LOXL2: variants seen among roughly 807,000 people sequenced by gnomAD.
LOXL2 encodes lysyl oxidase like 2.
In LOXL2, 70 loss-of-function variants were observed where a neutral mutation model predicts 93.0. The ratio of observed to expected loss-of-function variants is 0.75; its 90% confidence interval spans 0.62 to 0.92. The LOEUF is 0.92. LOXL2 is among the 40% of genes least tolerant of loss of function. LOXL2 has a pLI of 0.00. For missense variants in LOXL2, 973 were observed against 1,054.9 expected (o/e 0.92, Z 1.08); for synonymous variants, 438 against 413.2 (o/e 1.06, Z -0.73).
intron 3 of LOXL2, among the ~76,000 whole-genome samples, chr8:23,353,408 A>G (rs1305524710): frequency 2.0e-5 from 3 of 152,186 alleles, no homozygotes; most frequent in Admixed American, 2.0e-4. Context: ...GGATTGACCT[A>G]AAACTGATTT....
chr8:23,366,846 A>G (rs1169265680), intron 2 of LOXL2, among the ~76,000 whole-genome samples: 2 of 152,142 alleles, frequency 1.3e-5, no homozygotes, highest in African/African-American at 2.4e-5. Flanking sequence ...CTCCACCCTT[A>G]TCTCTTTCCT....
At position 23,317,191 on chromosome 8, in the gene LOXL2, C is replaced by T. The variant is rs1271888241; in HGVS notation, c.1471-77G>A. On this transcript the variant is annotated intron_variant, in intron 8 of 13. Transcript: ENST00000389131. ...TTCTCATATCCTATCAACTTGCAGC[C>T]TCACAAAAATCCCAATGTTTCATGA... 2.0e-6 allele frequency: 3 copies of T among 1,483,512 alleles called. No individual in the cohort carries two copies. The African/African-American group carries it at 4.2e-5, about 21-fold the overall frequency. The allele number at this position is 1,483,512 out of a possible 1,614,324, so 91.9% of individuals were successfully genotyped here. A position where few individuals can be genotyped will look rare whatever the true frequency, so the allele number is the denominator to read the frequency against.
At chr8:23,383,646 GTTT>G (rs1204879895) in intron 1 of LOXL2, among the ~76,000 whole-genome samples, 130 of 117,636 alleles carry the variant, frequency 1.1e-3, no homozygotes, top group African/African-American at 3.5e-3. Flanking sequence ...GCACTTTTAC[GTTT>G]TTTTTTTGTT....
intron 2 of LOXL2, among the ~76,000 whole-genome samples, chr8:23,361,864 C>CA (rs140501210): frequency 0.26 from 28,467 of 109,276 alleles, 2,850 homozygotes; most frequent in Admixed American, 0.32. Context: ...CAAAACAAAA[C>CA]AAACAAAAAA....
intron 7 of LOXL2, among the ~76,000 whole-genome samples, chr8:23,320,735 C>G (rs187334328): frequency 1.3e-5 from 2 of 152,156 alleles, no homozygotes; most frequent in East Asian, 3.9e-4. Context: ...TAGTGAGACC[C>G]CATCTCTACA....
At position 23,297,691 on chromosome 8, in the gene LOXL2, G is replaced by A. The variant is rs1004411619; in HGVS notation, c.*352C>T. The A allele has an allele frequency of 1.4e-5, 3 of 216,690 alleles. No homozygotes were observed. The highest frequency in any genetic ancestry group is 2.3e-5 in the African/African-American group (1 of 43,924). 13.4% of individuals were successfully genotyped at this position (216,690 alleles called of 1,614,324 possible). A position where few individuals can be genotyped will look rare whatever the true frequency, so the allele number is the denominator to read the frequency against. On this transcript the variant is annotated 3_prime_UTR_variant, in exon 14 of 14. Coordinates refer to ENST00000389131, the MANE Select transcript of LOXL2 (RefSeq NM_002318.3). ...TCCACGTGTCACTGGAGAAGAGCGC[G>A]GCTCCACTGTGTCTGTGGTGAGCTC... is the stretch of plus-strand genomic sequence containing the variant.
chr8:23,315,455 C>A (rs1336430635), intron 9 of LOXL2, among the ~76,000 whole-genome samples: 4 of 152,184 alleles, frequency 2.6e-5, no homozygotes, highest in South Asian at 2.1e-4. Flanking sequence ...GATGCTTCAG[C>A]CTAAGCTGTG....
intron 3 of LOXL2, among the ~76,000 whole-genome samples, chr8:23,354,491 T>G (rs2117198247): frequency 6.6e-6 from 1 of 152,200 alleles, no homozygotes; most frequent in South Asian, 2.1e-4. Context: ...GAGTGAAAAG[T>G]CTGCACCTGG....
intron 10 of LOXL2, among the ~76,000 whole-genome samples, chr8:23,304,957 A>G (rs979040824): frequency 6.6e-6 from 1 of 152,194 alleles, no homozygotes; most frequent in Non-Finnish European, 1.5e-5. Flanking sequence ...TGTGCTAAAA[A>G]TAATATCAGA....
At chr8:23,379,731 C>T (rs1409010416) in intron 1 of LOXL2, among the ~76,000 whole-genome samples, 2 of 152,302 alleles carry the variant, frequency 1.3e-5, no homozygotes, top group South Asian at 4.1e-4. Flanking sequence ...CGTGGGACCC[C>T]CCGAGCCAGG....
intron 2 of LOXL2, among the ~76,000 whole-genome samples, chr8:23,362,158 C>T (rs1804305543): frequency 6.6e-6 from 1 of 152,146 alleles, no homozygotes; most frequent in Non-Finnish European, 1.5e-5. Flanking sequence ...GAATATTAGT[C>T]AGCCTTCAGA....
Position 23,360,236 on chromosome 8 carries a change from T to G in LOXL2, c.385A>C (p.Thr129Pro). The G allele has an allele frequency of 6.2e-7, 1 of 1,612,602 alleles. No homozygotes were observed. The highest frequency in any genetic ancestry group is 8.5e-7 in the Non-Finnish European group (1 of 1,178,852). Reference protein sequence around the residue: ...GPIWLDNLHCTGNEATLAACT... With the variant: ...GPIWLDNLHCPGNEATLAACT... ...GCTGCAAGGGTCGCCTCGTTGCCAG[T>G]ACAGTGGAGATTGTCTAACCAGATG... Residue 129 changes from threonine to proline, a missense_variant, in exon 3 of 14, where the codon ACT becomes CCT. Physicochemically the swap from Thr to Pro is conservative, Grantham distance 38. Coordinates refer to ENST00000389131, the MANE Select transcript of LOXL2 (RefSeq NM_002318.3).
chr8:23,364,537 A>G (rs1488590266), intron 2 of LOXL2: 1 of 152,230 alleles, frequency 6.6e-6, no homozygotes, highest in Non-Finnish European at 1.5e-5. Context: ...TATTCAAGTT[A>G]GACTGTGTGG....
In LOXL2 at chr8:23,340,938, CTT is replaced by C; in HGVS notation, c.743+52_743+53del. 2.6e-6 allele frequency: 4 copies of C among 1,513,956 alleles called. No individual in the cohort carries two copies. The South Asian group carries it at 3.4e-5, about 13-fold the overall frequency. The allele number at this position is 1,513,956 out of a possible 1,614,324, so 93.8% of individuals were successfully genotyped here. On this transcript the variant is annotated intron_variant, in intron 4 of 13. Transcript: ENST00000389131. The stretch of plus-strand genomic sequence containing the variant: ...ACCACCAGGGCGGACACTTTTAACT[CTT>C]TTAGGCAGGGCGGATACCCTCAAAG...
At chr8:23,396,930 C>T (rs572767808) in intron 1 of LOXL2, among the ~76,000 whole-genome samples, 1 of 152,314 alleles carries the variant, frequency 6.6e-6, no homozygotes, top group South Asian at 2.1e-4. Context: ...GCATTATTCC[C>T]AGTCACCAAA....
intron 3 of LOXL2, among the ~76,000 whole-genome samples, chr8:23,354,696 C>T (rs1342257634): frequency 6.6e-6 from 1 of 151,908 alleles, no homozygotes; most frequent in East Asian, 1.9e-4. Context: ...TGCATTTTCC[C>T]AGACACTGAA....
At chr8:23,324,897 C>G (rs567483531) in intron 6 of LOXL2, among the ~76,000 whole-genome samples, 2 of 152,178 alleles carry the variant, frequency 1.3e-5, no homozygotes, top group African/African-American at 4.8e-5. Flanking sequence ...TTTAGAAAAC[C>G]TTTGCTGGAG....
chr8:23,349,334 C>T (rs1265273174), intron 3 of LOXL2, among the ~76,000 whole-genome samples: 1 of 152,192 alleles, frequency 6.6e-6, no homozygotes, highest in African/African-American at 2.4e-5. Context: ...CCGCGTTAGG[C>T]CCATACCCTG....
intron 1 of LOXL2, among the ~76,000 whole-genome samples, chr8:23,378,267 C>T (rs1372940193): frequency 2.6e-5 from 4 of 152,058 alleles, no homozygotes; most frequent in Non-Finnish European, 5.9e-5. Context: ...GAATATTGGC[C>T]CCCACTCTCT....
Sources: allele counts gnomAD v4.1 joint callset (sites outside exome capture counted in the v4.1 genomes callset), GRCh38; gene constraint gnomAD v4.1.1; transcripts MANE v1.5; gene names NCBI Gene and HGNC (gene_info 2026-07-23, HGNC 2026-07-21).